Variants in PPFIBP1 observed in about 807,000 individuals in gnomAD.
PPFIBP1 encodes liprin-beta-1.
A neutral mutation model predicts 137.8 loss-of-function variants in PPFIBP1; 112 were observed. The observed-to-expected ratio is 0.81, with a 90% confidence interval of 0.70 to 0.95. The LOEUF (loss-of-function observed/expected upper bound fraction) is 0.95, where lower values mean the gene tolerates loss of function less well. Among genes scored for constraint, PPFIBP1 ranks in the 40% least tolerant of loss-of-function variants. The probability of loss-of-function intolerance (pLI) is 0.00; values close to 1 mark genes in which losing one functional copy is unlikely to be tolerated. For synonymous variants in PPFIBP1, 378 were observed against 417.3 expected (o/e 0.91, Z 1.15); for missense variants, 1,083 against 1,196.6 (o/e 0.91, Z 1.40).
intron 4 of PPFIBP1, among the ~76,000 whole-genome samples, chr12:27,639,462 G>A (rs1402445099): frequency 6.6e-6 from 1 of 152,146 alleles, no homozygotes; most frequent in Non-Finnish European, 1.5e-5. Flanking sequence ...TTTTTTAACT[G>A]AGGATCATGA....
chr12:27,659,711 T>C (rs984821361), intron 10 of PPFIBP1, among the ~76,000 whole-genome samples: 1 of 152,122 alleles, frequency 6.6e-6, no homozygotes, highest in Non-Finnish European at 1.5e-5. Flanking sequence ...AGATGTTAAA[T>C]TCTCAATTCC....
At chr12:27,574,262 G>A (rs1204402624) in intron 1 of PPFIBP1, among the ~76,000 whole-genome samples, 2 of 152,122 alleles carry the variant, frequency 1.3e-5, no homozygotes, top group Non-Finnish European at 2.9e-5. Context: ...CAGGCTATGA[G>A]AACAATCTTT....
At chr12:27,605,929 A>G (rs2054479443) in intron 2 of PPFIBP1, among the ~76,000 whole-genome samples, 1 of 152,338 alleles carries the variant, frequency 6.6e-6, no homozygotes, top group Admixed American at 6.5e-5. Context: ...AAATTCCAAA[A>G]TAAAGTTAAG....
intron 2 of PPFIBP1, among the ~76,000 whole-genome samples, chr12:27,609,284 C>T (rs762197768): frequency 4.6e-5 from 7 of 152,200 alleles, no homozygotes; most frequent in African/African-American, 9.7e-5. Flanking sequence ...GTACTCATGA[C>T]GTAAATCCCC....
Position 27,656,599 on chromosome 12 carries a change from G to T in PPFIBP1, c.697-17G>T, listed in dbSNP as rs2059216167. The T allele has an allele frequency of 2.0e-6, 3 of 1,478,978 alleles. No homozygotes were observed. Among genetic ancestry groups the T allele is most frequent in the South Asian group, 1.1e-5 (1 of 87,910 alleles). 91.6% of individuals were successfully genotyped at this position (1,478,978 alleles called of 1,614,324 possible). On this transcript the variant is annotated splice_polypyrimidine_tract_variant and intron_variant, in intron 8 of 29. Coordinates refer to ENST00000228425, the MANE Select transcript of PPFIBP1 (RefSeq NM_003622.4). Reference sequence around the variant, plus strand: ...CAGTCATGATCTGCTATTTTTAAATGAATTTGTAACTTGTAGGATGAACTG... The same window carrying T: ...CAGTCATGATCTGCTATTTTTAAATTAATTTGTAACTTGTAGGATGAACTG...
At chr12:27,689,915 A>C (rs933419158) in intron 27 of PPFIBP1, among the ~76,000 whole-genome samples, 2 of 152,144 alleles carry the variant, frequency 1.3e-5, no homozygotes, top group African/African-American at 4.8e-5. Flanking sequence ...GCAGCTAGCT[A>C]CATTCTGGCA....
intron 2 of PPFIBP1, among the ~76,000 whole-genome samples, chr12:27,587,129 C>G (rs991710886): frequency 1.3e-5 from 2 of 152,018 alleles, no homozygotes; most frequent in African/African-American, 4.8e-5. Flanking sequence ...ACAGTTAGGA[C>G]TTGAAGGATG....
At chr12:27,618,091 CAG>C (rs1329311399) in intron 2 of PPFIBP1, among the ~76,000 whole-genome samples, 1 of 152,206 alleles carries the variant, frequency 6.6e-6, no homozygotes, top group Non-Finnish European at 1.5e-5. Flanking sequence ...ATGAAAGAGT[CAG>C]AGTCTAACAA....
chr12:27,607,818 A>G (rs922468956), intron 2 of PPFIBP1, among the ~76,000 whole-genome samples: 64 of 151,992 alleles, frequency 4.2e-4, no homozygotes, highest in African/African-American at 1.4e-3. Flanking sequence ...TTTTCCTTCT[A>G]TGACTTTTTT....
chr12:27,595,818 C>T (rs757907035), intron 2 of PPFIBP1, among the ~76,000 whole-genome samples: 11 of 150,648 alleles, frequency 7.3e-5, no homozygotes, highest in Non-Finnish European at 4.4e-5. Flanking sequence ...AGCGCCATTG[C>T]ACTCCAGCCT....
chr12:27,673,153 C>G (rs911092791), intron 15 of PPFIBP1, among the ~76,000 whole-genome samples: 4 of 152,170 alleles, frequency 2.6e-5, no homozygotes, highest in Admixed American at 1.3e-4. Context: ...TCTCTACCTT[C>G]AAGTTTTTAG....
At chr12:27,655,590 G>T (rs2059149171) in intron 8 of PPFIBP1, among the ~76,000 whole-genome samples, 1 of 152,136 alleles carries the variant, frequency 6.6e-6, no homozygotes, top group Non-Finnish European at 1.5e-5. Flanking sequence ...CTTTCTTGAT[G>T]GTAAATGTAC....
At chr12:27,549,556 C>T (rs1487784515) in intron 1 of PPFIBP1, 1 of 136,706 alleles carries the variant, frequency 7.3e-6, no homozygotes, top group Admixed American at 7.4e-5. Context: ...TTTTGAAGAA[C>T]CAGAATTAAA....
At chr12:27,563,460 GAAA>G (rs10607744) in intron 1 of PPFIBP1, among the ~76,000 whole-genome samples, 29 of 119,524 alleles carry the variant, frequency 2.4e-4, no homozygotes, top group African/African-American at 7.5e-4. Context: ...CCATCTCAAA[GAAA>G]AAAAAAAAAA....
intron 1 of PPFIBP1, among the ~76,000 whole-genome samples, chr12:27,561,048 T>C (rs1484835628): frequency 6.6e-6 from 1 of 152,078 alleles, no homozygotes; most frequent in Non-Finnish European, 1.5e-5. Context: ...AAAAAGTCTG[T>C]GTGTAAGAAG....
chr12:27,619,843 G>A (rs2138500318), intron 2 of PPFIBP1, among the ~76,000 whole-genome samples: 1 of 152,142 alleles, frequency 6.6e-6, no homozygotes, highest in African/African-American at 2.4e-5. Context: ...TAATTCATAT[G>A]TGTAATGCAT....
At chr12:27,612,169 C>T (rs556785152) in intron 2 of PPFIBP1, among the ~76,000 whole-genome samples, 11 of 152,118 alleles carry the variant, frequency 7.2e-5, no homozygotes, top group African/African-American at 2.2e-4. Flanking sequence ...CCAGGGATGC[C>T]GTCAGAGGTA....
chr12:27,573,700 C>G (rs2050322153), intron 1 of PPFIBP1, among the ~76,000 whole-genome samples: 1 of 152,160 alleles, frequency 6.6e-6, no homozygotes, highest in Non-Finnish European at 1.5e-5. Context: ...AGGTTAAAAG[C>G]CGGCGGGTGC....
chr12:27,681,692 A>G lies in PPFIBP1; in HGVS notation c.2042A>G (p.Glu681Gly), dbSNP rs773494854. The change falls in exon 22 of 30, where the codon GAG becomes GGG. Residue 681 changes from glutamate to glycine, a missense_variant. Coordinates refer to ENST00000228425, the MANE Select transcript of PPFIBP1 (RefSeq NM_003622.4). ...TLLQASQQDL[E>G]KELGIKHSLH... is the part of the protein sequence containing the mutation. ...TTGCAGGCTTCTCAACAAGATCTAG[A>G]GAAGGTGACTGCTTCTCTGTTTTGT... 1.3e-5 allele frequency: 21 copies of G among 1,614,052 alleles called. No homozygotes were observed. Among genetic ancestry groups the G allele is most frequent in the Non-Finnish European group, 1.7e-5 (20 of 1,179,936 alleles).
Sources: allele counts gnomAD v4.1 joint callset (sites outside exome capture counted in the v4.1 genomes callset), GRCh38; gene constraint gnomAD v4.1.1; transcripts MANE v1.5; gene names NCBI Gene and HGNC (gene_info 2026-07-23, HGNC 2026-07-21).